The following STPG2 variants were observed in gnomAD, a reference collection of about 807,000 sequenced individuals.
The protein encoded by STPG2 is sperm-tail PG-rich repeat-containing protein 2.
A neutral mutation model predicts 54.2 loss-of-function variants in STPG2; 56 were observed. The observed-to-expected ratio is 1.03, with a 90% CI of 0.83 to 1.29. The LOEUF (loss-of-function observed/expected upper bound fraction) is 1.29. STPG2 is among the 50% of genes most tolerant of loss of function. STPG2 has a pLI of 0.00. For synonymous variants in STPG2, 200 were observed against 181.8 expected, an observed-to-expected ratio of 1.10 and a Z score of -0.81; for missense variants, 596 against 544.9, an observed-to-expected ratio of 1.09 and a Z score of -0.93.
At chr4:97,903,987 T>G (rs530405089) in intron 8 of STPG2, among the ~76,000 whole-genome samples, 8 of 152,132 alleles carry the variant, frequency 5.3e-5, no homozygotes, top group Non-Finnish European at 7.4e-5. Context: ...CACAGCAGTC[T>G]GAGATCAAAC....
intron 9 of STPG2, among the ~76,000 whole-genome samples, chr4:97,718,617 AT>A (rs1724361698): frequency 6.6e-6 from 1 of 151,950 alleles, no homozygotes; most frequent in East Asian, 1.9e-4. Flanking sequence ...TGTCATCAAA[AT>A]TTTTTTACAT....
chr4:98,132,578 A>C (rs1264283304), intron 2 of STPG2, among the ~76,000 whole-genome samples: 1 of 151,936 alleles, frequency 6.6e-6, no homozygotes, highest in Non-Finnish European at 1.5e-5. Flanking sequence ...CCGGTTTTGT[A>C]GACTATGGCC....
intron 8 of STPG2, among the ~76,000 whole-genome samples, chr4:97,858,233 A>C (rs959180100): frequency 6.6e-6 from 1 of 152,076 alleles, no homozygotes; most frequent in African/African-American, 2.4e-5. Flanking sequence ...AAACAAGACT[A>C]CCTCAAGTCA....
At chr4:98,051,722 G>T (rs147024712) in intron 5 of STPG2, among the ~76,000 whole-genome samples, 1 of 151,900 alleles carries the variant, frequency 6.6e-6, no homozygotes, top group Admixed American at 6.6e-5. Flanking sequence ...CAAAGATTTT[G>T]GAGGTTCTGC....
At chr4:97,495,342 A>G (rs536170156) in intron 4 of STPG2, among the ~76,000 whole-genome samples, 132 of 151,636 alleles carry the variant, frequency 8.7e-4, no homozygotes, top group African/African-American at 3.1e-3. Flanking sequence ...CCTAATATCT[A>G]AAAACACAAG....
chr4:97,966,370 T>G (rs1172314810), intron 7 of STPG2, among the ~76,000 whole-genome samples: 1 of 152,158 alleles, frequency 6.6e-6, no homozygotes, highest in Non-Finnish European at 1.5e-5. Flanking sequence ...AATATGGGAC[T>G]ATGTGAAAAG....
chr4:97,792,389 C>T lies in STPG2; in HGVS notation c.1204+48384G>A, dbSNP rs181458486. 2.7e-3 allele frequency among the ~76,000 whole-genome samples: 408 copies of T among 152,216 alleles called. 1 individual carries two copies. Among genetic ancestry groups the T allele is most frequent in the Non-Finnish European group, 4.0e-3 (274 of 68,012 alleles). On this transcript the variant is annotated intron_variant, in intron 9 of 10. Transcript: ENST00000295268. The stretch of plus-strand genomic sequence containing the variant: ...GACTTCTCCCTTTTCTCAGTCTAAT[C>T]AGAACCATTGGCATATACTCCGTGC...
chr4:98,111,719 T>C (rs1373002128), intron 3 of STPG2, among the ~76,000 whole-genome samples: 2 of 152,166 alleles, frequency 1.3e-5, no homozygotes, highest in African/African-American at 4.8e-5. Context: ...GGGTATGTAT[T>C]TGAGGCTGTT....
chr4:97,658,023 ATTTG>A lies in STPG2; in HGVS notation c.1320+54672_1320+54675del, dbSNP rs1262747208. 2.6e-5 allele frequency among the ~76,000 whole-genome samples: 4 copies of A among 152,252 alleles called. No homozygotes were observed. In the South Asian group the frequency reaches 8.3e-4, roughly 32 times the overall value. On this transcript the variant is annotated intron_variant, in intron 10 of 10. Transcript: ENST00000295268. ...AGATTTTACAAGAAGAACATATGTG[ATTTG>A]TTTAATTTTTTCCATTCCAATATGG...
intron 9 of STPG2, among the ~76,000 whole-genome samples, chr4:97,829,990 C>T (rs911566045): frequency 6.6e-6 from 1 of 152,132 alleles, no homozygotes; most frequent in Admixed American, 6.5e-5. Context: ...CATAGCAAGA[C>T]AGGCCAACAC....
At chr4:97,443,181 C>T (rs1297268720) in intron 4 of STPG2, among the ~76,000 whole-genome samples, 1 of 152,150 alleles carries the variant, frequency 6.6e-6, no homozygotes, top group African/African-American at 2.4e-5. Flanking sequence ...GTGAGCCTTA[C>T]ATTTCCCTCG....
intron 10 of STPG2, among the ~76,000 whole-genome samples, chr4:97,690,206 T>C (rs559893545): frequency 1.3e-5 from 2 of 152,030 alleles, no homozygotes; most frequent in African/African-American, 4.8e-5. Flanking sequence ...GAGTAATTGA[T>C]TTTTTTTACA....
At chr4:97,447,481 G>A (rs1156842331) in intron 4 of STPG2, among the ~76,000 whole-genome samples, 4 of 152,202 alleles carry the variant, frequency 2.6e-5, no homozygotes, top group Admixed American at 2.6e-4. Context: ...GGGAAAAATG[G>A]TTCTGTGGGC....
intron 5 of STPG2, among the ~76,000 whole-genome samples, chr4:98,021,735 C>A (rs1319142648): frequency 3.3e-5 from 5 of 151,776 alleles, no homozygotes; most frequent in Non-Finnish European, 5.9e-5. Context: ...GGATAGTTAG[C>A]TCTTCTTGTT....
chr4:97,969,156 C>G (rs1734227600), intron 7 of STPG2, among the ~76,000 whole-genome samples: 1 of 152,186 alleles, frequency 6.6e-6, no homozygotes, highest in Non-Finnish European at 1.5e-5. Context: ...TGTCTAGTTT[C>G]AGGTCCTGTA....
At chr4:97,583,922 A>G (rs1732927565) in intron 10 of STPG2, among the ~76,000 whole-genome samples, 1 of 151,958 alleles carries the variant, frequency 6.6e-6, no homozygotes, top group South Asian at 2.1e-4. Context: ...GCAAGACAAT[A>G]GTAGTGGGGG....
intron 5 of STPG2, among the ~76,000 whole-genome samples, chr4:98,091,782 TC>T (rs975070797): frequency 6.6e-6 from 1 of 152,030 alleles, no homozygotes; most frequent in African/African-American, 2.4e-5. Flanking sequence ...ACATATATAT[TC>T]AGATATCATT....
intron 4 of STPG2, among the ~76,000 whole-genome samples, chr4:97,469,243 AT>A (rs560666035): frequency 1.8e-3 from 270 of 152,202 alleles, no homozygotes; most frequent in African/African-American, 6.3e-3. Flanking sequence ...ACATTTATAA[AT>A]TTTTTAAATG....
intron 4 of STPG2, among the ~76,000 whole-genome samples, chr4:97,452,693 C>G (rs1198300131): frequency 1.3e-5 from 2 of 152,160 alleles, no homozygotes; most frequent in African/African-American, 4.8e-5. Context: ...GCTTCAGAGA[C>G]CTGCAGAGAC....
Sources: gnomAD v4.1 joint callset for allele counts (sites outside exome capture counted in the v4.1 genomes callset) on GRCh38, gnomAD v4.1.1 for gene constraint, MANE v1.5 for transcripts, NCBI Gene and HGNC (gene_info 2026-07-23, HGNC 2026-07-21) for gene names.